The following ZNF611 variants were observed in gnomAD, a reference collection of about 807,000 sequenced individuals.
The protein encoded by ZNF611 is zinc finger protein 611.
A neutral mutation model predicts 8.9 loss-of-function variants in ZNF611; 6 were observed. That is an observed-to-expected ratio of 0.68 (90% CI 0.37 to 1.34). ZNF611 has a LOEUF of 1.34. Among genes scored for constraint, ZNF611 ranks in the 40% most tolerant of loss-of-function variants. The pLI is 0.02. For missense variants in ZNF611, 874 were observed against 841.3 expected, an observed-to-expected ratio of 1.04 and a Z score of -0.48; for synonymous variants, 262 against 279.7, an observed-to-expected ratio of 0.94 and a Z score of 0.63.
At chr19:52,729,492 C>CAAAAA (rs397859789) in intron 2 of ZNF611, among the ~76,000 whole-genome samples, 134 of 42,358 alleles carry the variant, frequency 3.2e-3, no homozygotes, top group East Asian at 0.011. Flanking sequence ...GACTCCATCT[C>CAAAAA]AAAAAAAAAA....
chr19:52,720,389 A>G (rs1468110035), intron 3 of ZNF611, among the ~76,000 whole-genome samples: 1 of 151,730 alleles, frequency 6.6e-6, no homozygotes, highest in Non-Finnish European at 1.5e-5. Flanking sequence ...GGCGCTCCCC[A>G]CTTCCCAGAT....
chr19:52,706,155 T>G lies in ZNF611; in HGVS notation c.900A>C (p.Ser300=), dbSNP rs2062242541. The part of the protein sequence containing the change: ...KECGKTFSQE[S]SLTCHRRLHT... Reference sequence around the variant, plus strand: ...GAAGTCTACGATGGCAGGTAAGGGATGACTCCTGACTGAAGGTCTTGCCAC... The same window carrying G: ...GAAGTCTACGATGGCAGGTAAGGGAGGACTCCTGACTGAAGGTCTTGCCAC... The change falls in exon 6 of 6, where the codon TCA becomes TCC. Residue 300 remains serine, a synonymous_variant. Transcript: ENST00000652185. The G allele has an allele frequency of 2.5e-6, 4 of 1,614,010 alleles. No individual in the cohort carries two copies. Among genetic ancestry groups the G allele is most frequent in the Non-Finnish European group, 3.4e-6 (4 of 1,179,968 alleles).
intron 1 of ZNF611, among the ~76,000 whole-genome samples, chr19:52,732,045 C>T (rs909539207): frequency 1.3e-5 from 2 of 151,470 alleles, no homozygotes; most frequent in South Asian, 2.1e-4. Flanking sequence ...CTGAGGCGGG[C>T]GGATCACGAG....
chr19:52,704,962 C>A lies in ZNF611; in HGVS notation c.2093G>T (p.Arg698Ile). Reference protein sequence around the residue: ...NQQSHLSRHHRIHTGEKP With the variant: ...NQQSHLSRHHIIHTGEKP Reference sequence around the variant, plus strand: ...CTAAGGTTTCTCTCCAGTATGAATTCTATGATGACGTGAAAGGTGTGATTG... The same window carrying A: ...CTAAGGTTTCTCTCCAGTATGAATTATATGATGACGTGAAAGGTGTGATTG... Residue 698 changes from arginine (R) to isoleucine (I), a missense_variant, in exon 6 of 6, where the codon AGA becomes ATA. Transcript: ENST00000652185. 1.2e-6 allele frequency: 2 copies of A among 1,614,082 alleles called. No homozygotes were observed. The highest frequency in any genetic ancestry group is 1.7e-6 in the Non-Finnish European group (2 of 1,179,998).
At chr19:52,728,104 T>A (rs1397149645) in intron 3 of ZNF611, among the ~76,000 whole-genome samples, 3 of 152,056 alleles carry the variant, frequency 2.0e-5, no homozygotes, top group Non-Finnish European at 4.4e-5. Context: ...AGACAGGTTT[T>A]CACCATGTTG....
chr19:52,715,229 G>A (rs1263394025), intron 4 of ZNF611, among the ~76,000 whole-genome samples: 1 of 151,984 alleles, frequency 6.6e-6, no homozygotes, highest in Non-Finnish European at 1.5e-5. Context: ...AGGCTGAGGT[G>A]GGCGGATCAC....
At chr19:52,716,163 G>A (rs1157466361) in intron 3 of ZNF611, 2 of 440,262 alleles carry the variant, frequency 4.5e-6, no homozygotes, top group South Asian at 3.2e-5. Flanking sequence ...AGCTGGGCTG[G>A]ACTGATCTCC....
intron 3 of ZNF611, among the ~76,000 whole-genome samples, chr19:52,725,411 G>A (rs2062385309): frequency 6.6e-6 from 1 of 152,202 alleles, no homozygotes. Flanking sequence ...CCCAGGGCGG[G>A]AATCCAGCGC....
At chr19:52,732,787 A>T (rs2062434352) in intron 1 of ZNF611, among the ~76,000 whole-genome samples, 1 of 151,518 alleles carries the variant, frequency 6.6e-6, no homozygotes, top group Non-Finnish European at 1.5e-5. Flanking sequence ...TCTACAAAAA[A>T]AAAAAAAAAT....
chr19:52,726,877 T>G (rs2062396843), intron 3 of ZNF611, among the ~76,000 whole-genome samples: 1 of 152,174 alleles, frequency 6.6e-6, no homozygotes, highest in Non-Finnish European at 1.5e-5. Context: ...TCTTTCCTTT[T>G]ACTTTTGAGA....
In ZNF611 at chr19:52,705,945, G is replaced by A; in HGVS notation, c.1110C>T (p.Tyr370=). ...HHRIHTGEKP[Y]KCEECDKVFS... is the part of the protein sequence containing the mutation. ...AAACTTTGTCACATTCTTCACATTT[G>A]TAAGGTTTCTCTCCAGTATGAATTC... Residue 370 remains tyrosine, a synonymous_variant, in exon 6 of 6, where the codon TAC becomes TAT. Coordinates refer to ENST00000652185, the MANE Select transcript of ZNF611 (RefSeq NM_001161499.2). 1.2e-6 allele frequency: 2 copies of A among 1,614,060 alleles called. No individual in the cohort carries two copies. The highest frequency in any genetic ancestry group is 1.7e-6 in the Non-Finnish European group (2 of 1,180,014).
rs147099614 is a variant in ZNF611 at position 52,714,075 on chromosome 19, A to C, written c.130T>G (p.Ser44Ala). 1,358 of 1,614,058 alleles carry C rather than the reference A, an allele frequency of 8.4e-4. 3 individuals carry two copies. The highest frequency in any genetic ancestry group is 3.1e-3 in the Admixed American group (185 of 59,998). Residue 44 changes from serine (S) to alanine (A), a missense_variant, in exon 5 of 6, where the codon TCA (serine) becomes GCA (alanine). Transcript: ENST00000652185. ...SLAEWKCLNP[S>A]QRALYREVML... ...ACTTCCCTGTACAAAGCCCTCTGTG[A>C]AGGGTTCAGGCATTTCCACTCTGCC...
intron 3 of ZNF611, 130 bp from the exon 4 acceptor site, chr19:52,716,043 T>A: frequency 9.6e-7 from 1 of 1,044,506 alleles, no homozygotes; most frequent in Non-Finnish European, 1.4e-6. Context: ...CCAGAGATCA[T>A]GCAGAGATAA....
intron 1 of ZNF611, among the ~76,000 whole-genome samples, chr19:52,734,497 G>A (rs1159095026): frequency 6.8e-6 from 1 of 147,910 alleles, no homozygotes; most frequent in Non-Finnish European, 1.5e-5. Flanking sequence ...GGGAGACCTG[G>A]GGAGCAGCAG....
In ZNF611 at chr19:52,719,297, C is replaced by T. The variant is rs189382662; in HGVS notation, c.-19-3384G>A. 2.1e-3 allele frequency among the ~76,000 whole-genome samples: 315 copies of T among 151,824 alleles called. 2 individuals carry two copies. The highest frequency in any genetic ancestry group is 2.2e-3 in the Admixed American group (34 of 15,292). On this transcript the variant is annotated intron_variant, in intron 3 of 5. Coordinates refer to ENST00000652185, the MANE Select transcript of ZNF611 (RefSeq NM_001161499.2). ...AGCACTTTTAATACTCCTTTCATCA[C>T]GTTCCATATAGTAACAGAGACTCAG...
chr19:52,726,722 GTTTTT>G (rs56146245), intron 3 of ZNF611, among the ~76,000 whole-genome samples: 1 of 130,304 alleles, frequency 7.7e-6, no homozygotes, highest in Non-Finnish European at 1.7e-5. Flanking sequence ...TCGGCCTTGT[GTTTTT>G]TTTTTTTTTT....
intron 3 of ZNF611, chr19:52,720,902 G>C (rs1043532479): frequency 1.1e-4 from 17 of 152,830 alleles, no homozygotes; most frequent in African/African-American, 3.9e-4. Flanking sequence ...CAGGGTCGCA[G>C]TCAGGCAGAG....
intron 5 of ZNF611, among the ~76,000 whole-genome samples, chr19:52,709,691 C>T (rs1265638164): frequency 6.6e-6 from 1 of 152,100 alleles, no homozygotes; most frequent in Non-Finnish European, 1.5e-5. Flanking sequence ...CCTCAGCCAC[C>T]CGAGTAGCTG....
In ZNF611 at chr19:52,703,504, G is replaced by A. The variant is rs1180736894; in HGVS notation, c.*1433C>T. The A allele has an allele frequency of 2.6e-5, 4 of 151,582 alleles. No homozygotes were observed. The highest frequency in any genetic ancestry group is 1.3e-4 in the Admixed American group (2 of 15,204). The allele number at this position is 151,582 out of a possible 1,614,324, so 9.4% of individuals were successfully genotyped here. On this transcript the variant is annotated 3_prime_UTR_variant, in exon 6 of 6. Transcript: ENST00000652185. ...ACCATGTTAGGGTGCTTTTGAAATTGTGACCTTAGGTGACCAGTTCACATG... is the reference window on the plus strand; with the variant it reads ...ACCATGTTAGGGTGCTTTTGAAATTATGACCTTAGGTGACCAGTTCACATG...
Sources: allele counts gnomAD v4.1 joint callset (sites outside exome capture counted in the v4.1 genomes callset), GRCh38; gene constraint gnomAD v4.1.1; transcripts MANE v1.5; gene names NCBI Gene and HGNC (gene_info 2026-07-23, HGNC 2026-07-21).